ANKH: variants seen among roughly 807,000 people sequenced by gnomAD.
The protein encoded by ANKH is ANKH inorganic pyrophosphate transport regulator.
Under a neutral mutation model 49.0 loss-of-function variants are expected in ANKH, and 15 were observed. That is an observed-to-expected ratio of 0.31 (90% confidence interval 0.20 to 0.47). The LOEUF is 0.47. Ranked by LOEUF, ANKH falls within the 20% of genes least tolerant of loss-of-function variation. ANKH has a pLI of 1.00. For synonymous variants in ANKH, 273 were observed against 260.0 expected, an observed-to-expected ratio of 1.05 and a Z score of -0.48; for missense variants, 429 against 652.0, an observed-to-expected ratio of 0.66 and a Z score of 3.72.
chr5:14,847,005 C>CAAAAAA lies in ANKH; in HGVS notation c.96+24341_96+24346dup, dbSNP rs386403087. ...CCTGGGAAACAGTGTAAGACTGCCT[C>CAAAAAA]AAAAAAAAAAAAAAAAACAATGAAA... is the stretch of plus-strand genomic sequence containing the variant. On this transcript the variant is annotated intron_variant, in intron 1 of 11. Coordinates refer to ENST00000284268, the MANE Select transcript of ANKH (RefSeq NM_054027.6). 4.2e-4 allele frequency among the ~76,000 whole-genome samples: 46 copies of CAAAAAA among 110,308 alleles called. 1 individual carries two copies. The highest frequency in any genetic ancestry group is 1.2e-3 in the South Asian group (4 of 3,276). 72.4% of individuals were successfully genotyped at this position (110,308 alleles called of 152,430 possible). A position where few individuals can be genotyped will look rare whatever the true frequency, so the allele number is the denominator to read the frequency against.
chr5:14,859,676 T>G (rs1735420326), intron 1 of ANKH, among the ~76,000 whole-genome samples: 1 of 152,216 alleles, frequency 6.6e-6, no homozygotes. Context: ...CTAGGAAGAC[T>G]GCAAAGGGGC....
intron 1 of ANKH, among the ~76,000 whole-genome samples, chr5:14,831,832 C>A (rs1318287472): frequency 1.3e-5 from 2 of 152,166 alleles, no homozygotes; most frequent in Non-Finnish European, 1.5e-5. Context: ...AAAGCAGTTA[C>A]CAAACCATGG....
intron 1 of ANKH, among the ~76,000 whole-genome samples, chr5:14,773,585 T>C (rs1179426921): frequency 1.3e-5 from 2 of 152,154 alleles, no homozygotes; most frequent in Non-Finnish European, 2.9e-5. Flanking sequence ...ACACAGGGTT[T>C]AAAGCCATGC....
At position 14,713,589 on chromosome 5, in the gene ANKH, C is replaced by T. The variant is rs1221985955; in HGVS notation, c.1220G>A (p.Arg407Gln). 2.5e-6 allele frequency: 4 copies of T among 1,614,088 alleles called. No individual in the cohort carries two copies. Among genetic ancestry groups the T allele is most frequent in the African/African-American group, 1.3e-5 (1 of 74,934 alleles). The change falls in exon 10 of 12, where the codon CGG (arginine) becomes CAG (glutamine). Residue 407 changes from arginine to glutamine, a missense_variant. Coordinates refer to ENST00000284268, the MANE Select transcript of ANKH (RefSeq NM_054027.6). This position sits in a 1 kb window ranked among gnomAD's most constrained non-coding sequence, Gnocchi z 4.4. ...TFVLAPSSVLRIIVLIASLVV... is the reference protein window; with the variant it reads ...TFVLAPSSVLQIIVLIASLVV... ...GAGGCTGGCGATGAGGACGATGATC[C>T]GCAGCACAGAGCTGGGGGCAAGGAC...
At chr5:14,736,650 C>T (rs1322885311) in intron 8 of ANKH, among the ~76,000 whole-genome samples, 1 of 152,192 alleles carries the variant, frequency 6.6e-6, no homozygotes, top group Non-Finnish European at 1.5e-5. Flanking sequence ...TTCTGACCTT[C>T]ACGCTACTCC....
At chr5:14,751,307 G>A in intron 4 of ANKH, 68 bp from the exon 5 acceptor site, 2 of 1,511,966 alleles carry the variant, frequency 1.3e-6, no homozygotes, top group Non-Finnish European at 1.8e-6. Flanking sequence ...AAGCACAGGG[G>A]CACGCTCTTG....
rs199734490 is a variant in ANKH at position 14,821,112 on chromosome 5, A to AAT, written c.96+50239_96+50240insAT. The stretch of plus-strand genomic sequence containing the variant: ...GACCCTGTCTTAAAAAAAAAAAAAA[A>AAT]TTTCAGTTATTAAACTTCAAAACAT... On this transcript the variant is annotated intron_variant, in intron 1 of 11. Coordinates refer to ENST00000284268, the MANE Select transcript of ANKH (RefSeq NM_054027.6). 1.5e-4 allele frequency among the ~76,000 whole-genome samples: 22 copies of AAT among 151,384 alleles called. No homozygotes were observed. In the East Asian group the frequency reaches 2.5e-3, roughly 17 times the overall value.
At chr5:14,859,258 C>T (rs192317243) in intron 1 of ANKH, among the ~76,000 whole-genome samples, 3 of 152,322 alleles carry the variant, frequency 2.0e-5, no homozygotes, top group Admixed American at 2.0e-4. Context: ...TAAATGCAAT[C>T]AACCATAAGA....
At chr5:14,781,946 G>A (rs1413351172) in intron 1 of ANKH, among the ~76,000 whole-genome samples, 1 of 152,128 alleles carries the variant, frequency 6.6e-6, no homozygotes, top group Non-Finnish European at 1.5e-5. Flanking sequence ...TGGAATACAG[G>A]TTTACGTCTG....
At chr5:14,778,913 T>A (rs1739720199) in intron 1 of ANKH, among the ~76,000 whole-genome samples, 1 of 152,192 alleles carries the variant, frequency 6.6e-6, no homozygotes, top group South Asian at 2.1e-4. Context: ...GCCCCCTGCA[T>A]GCTGTCAGCT....
At chr5:14,764,997 C>T (rs2453327) in intron 2 of ANKH, among the ~76,000 whole-genome samples, 63,345 of 152,120 alleles carry the variant, frequency 0.42, 13,330 homozygotes, top group Admixed American at 0.48. Flanking sequence ...ATACTAATTT[C>T]CACGCACGTG....
At chr5:14,855,965 C>T (rs1232052436) in intron 1 of ANKH, among the ~76,000 whole-genome samples, 1 of 151,324 alleles carries the variant, frequency 6.6e-6, no homozygotes, top group East Asian at 2.0e-4. Context: ...TTAAAGATAT[C>T]CCCTTAATGC....
At chr5:14,724,535 A>G in intron 8 of ANKH, 1 of 985,192 alleles carries the variant, frequency 1.0e-6, no homozygotes, top group South Asian at 4.7e-5. Flanking sequence ...CCAGCTTTAC[A>G]GACAGAAGAC....
At chr5:14,780,991 G>A (rs1392689288) in intron 1 of ANKH, among the ~76,000 whole-genome samples, 2 of 152,210 alleles carry the variant, frequency 1.3e-5, no homozygotes, top group African/African-American at 4.8e-5. Context: ...ACGTACATGT[G>A]CAGGCACAGT....
chr5:14,811,309 A>C (rs1740877780), intron 1 of ANKH, among the ~76,000 whole-genome samples: 1 of 152,206 alleles, frequency 6.6e-6, no homozygotes, highest in African/African-American at 2.4e-5. Context: ...GGGGGAAAAG[A>C]AGAGAAACCT....
intron 1 of ANKH, among the ~76,000 whole-genome samples, chr5:14,839,524 C>A (rs964848806): frequency 1.4e-5 from 2 of 139,388 alleles, no homozygotes; most frequent in African/African-American, 5.3e-5. Context: ...AAAAAAAAAA[C>A]CCACAGAGAT....
rs527442395 is a variant in ANKH at position 14,842,440 on chromosome 5, T to C, written c.96+28912A>G. 1.7e-4 allele frequency among the ~76,000 whole-genome samples: 26 copies of C among 152,316 alleles called. 1 individual carries two copies. The highest frequency in any genetic ancestry group is 1.4e-3 in the Admixed American group (22 of 15,308). ...TCCAAGCCAGTTCGGCAATGTCTTA[T>C]GGAGTCCTAGGATAGTCCTGGTTAC... On this transcript the variant is annotated intron_variant, in intron 1 of 11. Coordinates refer to ENST00000284268, the MANE Select transcript of ANKH (RefSeq NM_054027.6).
intron 1 of ANKH, among the ~76,000 whole-genome samples, chr5:14,803,601 A>AT (rs1283947562): frequency 2.0e-5 from 3 of 151,026 alleles, no homozygotes; most frequent in Non-Finnish European, 4.4e-5. Flanking sequence ...TTTAATTTTT[A>AT]TTTTCCTCTT....
chr5:14,786,681 A>G (rs1580067437), intron 1 of ANKH, among the ~76,000 whole-genome samples: 1 of 152,372 alleles, frequency 6.6e-6, no homozygotes, highest in East Asian at 1.9e-4. Flanking sequence ...ACCTAGCGCT[A>G]GCAAAGACGA....
Sources: gnomAD v4.1 joint callset for allele counts (sites outside exome capture counted in the v4.1 genomes callset) on GRCh38, gnomAD v4.1.1 for gene constraint, Gnocchi (gnomAD v3.1) non-coding constraint, MANE v1.5 for transcripts, NCBI Gene and HGNC (gene_info 2026-07-23, HGNC 2026-07-21) for gene names.